CD22: variants seen among roughly 807,000 people sequenced by gnomAD.
CD22 encodes the protein CD22 molecule, also known as B-cell receptor CD22.
A neutral mutation model predicts 94.7 loss-of-function variants in CD22; 51 were observed. That is an observed-to-expected ratio of 0.54 (90% CI 0.43 to 0.68). The LOEUF is 0.68. CD22 is among the 30% of genes least tolerant of loss of function. The pLI, the probability that CD22 is intolerant of heterozygous loss-of-function variation, is 0.00. For missense variants in CD22, 931 were observed against 1,060.4 expected (o/e 0.88, Z 1.69); for synonymous variants, 424 against 422.5 (o/e 1.00, Z -0.04).
At chr19:35,345,851 C>A in intron 12 of CD22, 131 bp downstream of exon 12, 1 of 711,204 alleles carries the variant, frequency 1.4e-6, no homozygotes, top group Non-Finnish European at 2.5e-6. Flanking sequence ...CATTCCCACT[C>A]GGCAACAAGC....
chr19:35,346,541 G>A lies in CD22; in HGVS notation c.2413-25G>A, dbSNP rs562953815. On this transcript the variant is annotated intron_variant, in intron 13 of 13. Coordinates refer to ENST00000085219, the MANE Select transcript of CD22 (RefSeq NM_001771.4). Reference sequence around the variant, plus strand: ...TGGAGGCTGGCGACAGTGGGGCCAGGCTAACCACCATGCGGTTTTCTCAGG... The same window carrying A: ...TGGAGGCTGGCGACAGTGGGGCCAGACTAACCACCATGCGGTTTTCTCAGG... The A allele has an allele frequency of 2.5e-6, 4 of 1,586,592 alleles. No individual in the cohort carries two copies. The South Asian group carries it at 4.6e-5, about 18-fold the overall frequency.
chr19:35,345,109 T>G lies in CD22; in HGVS notation c.2191T>G (p.Phe731Val), dbSNP rs1208015487. The stretch of plus-strand genomic sequence containing the variant: ...GGAGAATTCCAGCGGCCAGAGCTTC[T>G]TTGTGAGGAATAAAAAGGTAGGATG... ...LQENSSGQSF[F>V]VRNKKVRRAP... The change falls in exon 11 of 14, where the codon TTT (phenylalanine) becomes GTT (valine). Residue 731 changes from phenylalanine (F) to valine (V), a missense_variant. Coordinates refer to ENST00000085219, the MANE Select transcript of CD22 (RefSeq NM_001771.4). 1.2e-6 allele frequency: 2 copies of G among 1,613,940 alleles called. No homozygotes were observed. Among genetic ancestry groups the G allele is most frequent in the African/African-American group, 2.7e-5 (2 of 74,888 alleles).
At chr19:35,342,428 C>T (rs762678) in intron 9 of CD22, among the ~76,000 whole-genome samples, 64,485 of 151,820 alleles carry the variant, frequency 0.42, 14,286 homozygotes, top group Non-Finnish European at 0.48. Context: ...CTCAGCTTCC[C>T]AAAGCCCTGG....
intron 12 of CD22, 66 bp from the exon 13 acceptor site, chr19:35,346,085 G>A (rs1789602855): frequency 1.6e-6 from 2 of 1,253,262 alleles, no homozygotes; most frequent in South Asian, 1.2e-5. Context: ...GGCTCTGGGT[G>A]TTGAGAGGGA....
At chr19:35,340,584 G>A (rs1042618506) in intron 6 of CD22, among the ~76,000 whole-genome samples, 1 of 152,098 alleles carries the variant, frequency 6.6e-6, no homozygotes, top group Non-Finnish European at 1.5e-5. Flanking sequence ...CCGGCCTCAG[G>A]ACCCCATTTG....
intron 9 of CD22, among the ~76,000 whole-genome samples, chr19:35,343,033 C>T (rs541166858): frequency 3.3e-4 from 50 of 151,926 alleles, no homozygotes; most frequent in Non-Finnish European, 5.9e-4. Context: ...CTCCTGACCT[C>T]GTGATCCGCT....
At position 35,345,708 on chromosome 19, in the gene CD22, T is replaced by C. The variant is rs369447317; in HGVS notation, c.2315T>C (p.Ile772Thr). The C allele has an allele frequency of 2.9e-5, 43 of 1,480,238 alleles. No homozygotes were observed. The highest frequency in any genetic ancestry group is 1.8e-4 in the African/African-American group (13 of 72,564). The allele number at this position is 1,480,238 out of a possible 1,614,324, so 91.7% of individuals were successfully genotyped here. A position where few individuals can be genotyped will look rare whatever the true frequency, so the allele number is the denominator to read the frequency against. The part of the protein sequence containing the change: ...YTTLRFPEMN[I>T]PRTGDAESSE... The stretch of plus-strand genomic sequence containing the variant: ...ACCCTGCGCTTTCCCGAGATGAACA[T>C]ACCACGAACTGGGTACTGAGGGTAC... The change falls in exon 12 of 14, where the codon ATA (isoleucine) becomes ACA (threonine). Residue 772 changes from isoleucine (I) to threonine (T), a missense_variant. Coordinates refer to ENST00000085219, the MANE Select transcript of CD22 (RefSeq NM_001771.4).
rs1599671915 is a variant in CD22, at chr19:35,332,323, A to G, written c.35-224A>G. 8 of 645,726 alleles carry G rather than the reference A, an allele frequency of 1.2e-5. No individual in the cohort carries two copies. In the East Asian group the frequency reaches 2.2e-4, roughly 18 times the overall value. The allele number at this position is 645,726 out of a possible 1,614,324, so 40.0% of individuals were successfully genotyped here. ...AGAGGGAATTCTTTAGTCTTTAGAAAGCTCTCTGCTGGGTGCAGTGGCTCA... is the reference window on the plus strand; with the variant it reads ...AGAGGGAATTCTTTAGTCTTTAGAAGGCTCTCTGCTGGGTGCAGTGGCTCA... On this transcript the variant is annotated intron_variant, in intron 2 of 13. Coordinates refer to ENST00000085219, the MANE Select transcript of CD22 (RefSeq NM_001771.4).
rs1425065351 is a variant in CD22, at chr19:35,346,686, C to T, written c.2533C>T (p.Leu845Phe). The change falls in exon 14 of 14, where the codon CTC (leucine) becomes TTC (phenylalanine). Residue 845 changes from leucine (L) to phenylalanine (F), a missense_variant. Leu to Phe is a conservative substitution (Grantham distance 22). Transcript: ENST00000085219. Reference protein sequence around the residue: ...QAQENVDYVILKH With the variant: ...QAQENVDYVIFKH ...ACAAGAAAATGTGGACTATGTGATC[C>T]TCAAACATTGACACTGGATGGGCTG... The T allele has an allele frequency of 6.2e-7, 1 of 1,608,808 alleles. No individual in the cohort carries two copies. Among genetic ancestry groups the T allele is most frequent in the Non-Finnish European group, 8.5e-7 (1 of 1,177,258 alleles).
At position 35,341,425 on chromosome 19, in the gene CD22, C is replaced by T. The variant is rs1197117053; in HGVS notation, c.1590C>T (p.Asp530=). The change falls in exon 8 of 14, where the codon GAC becomes GAT. Residue 530 remains aspartate, a synonymous_variant. Coordinates refer to ENST00000085219, the MANE Select transcript of CD22 (RefSeq NM_001771.4). This position sits in a 1 kb window ranked among gnomAD's most constrained non-coding sequence, Gnocchi z 4.0. ...HSGNSVSLQC[D]FSSSHPKEVQ... ...GAAACTCGGTCAGCCTCCAATGTGA[C>T]TTCTCAAGCAGCCACCCCAAAGAAG... The T allele has an allele frequency of 6.2e-7, 1 of 1,613,936 alleles. No homozygotes were observed. Among genetic ancestry groups the T allele is most frequent in the East Asian group, 2.2e-5 (1 of 44,858 alleles).
chr19:35,330,619 C>CA, intron 1 of CD22: 1 of 152,334 alleles, frequency 6.6e-6, no homozygotes, highest in East Asian at 1.9e-4. Flanking sequence ...AGGAGATAAA[C>CA]AGACAGAGAG....
In CD22 at chr19:35,337,723, C is replaced by T. The variant is rs1568486653; in HGVS notation, c.719-32C>T. On this transcript the variant is annotated intron_variant, in intron 4 of 13. Coordinates refer to ENST00000085219, the MANE Select transcript of CD22 (RefSeq NM_001771.4). The surrounding 1 kb of genome is among the most constrained non-coding windows in gnomAD (Gnocchi z 4.4). ...CCCTCCACCCTCTGAGGATTCCCCGCCCCCTCCCCGACTGCCCCTCTGCTC... is the reference window on the plus strand; with the variant it reads ...CCCTCCACCCTCTGAGGATTCCCCGTCCCCTCCCCGACTGCCCCTCTGCTC... 6.4e-7 allele frequency: 1 copy of T among 1,561,538 alleles called. No individual in the cohort carries two copies. Among genetic ancestry groups the T allele is most frequent in the Non-Finnish European group, 8.7e-7 (1 of 1,145,494 alleles).
At chr19:35,339,575 G>A (rs1007827998) in intron 6 of CD22, among the ~76,000 whole-genome samples, 5 of 152,028 alleles carry the variant, frequency 3.3e-5, no homozygotes, top group Non-Finnish European at 7.4e-5. Context: ...GAATGGATTG[G>A]CCAGGCATGG....
intron 13 of CD22, 118 bp downstream of exon 13, chr19:35,346,353 G>T (rs1599696490): frequency 2.7e-6 from 3 of 1,107,006 alleles, no homozygotes; most frequent in East Asian, 4.8e-5. Context: ...GGTGGCAGAG[G>T]TTGGGTGTTG....
chr19:35,345,002 T>A (rs772753027), intron 10 of CD22, 49 bp from the exon 11 acceptor site: 1 of 1,604,800 alleles, frequency 6.2e-7, no homozygotes, highest in Non-Finnish European at 8.5e-7. Context: ...TCTCGAAGCC[T>A]CCAGCCTGTG....
chr19:35,344,951 C>T (rs2145681045), intron 10 of CD22, 26 bp downstream of exon 10: 1 of 1,604,558 alleles, frequency 6.2e-7, no homozygotes, highest in South Asian at 1.1e-5. Context: ...CCCCCACCAC[C>T]TCCTCTATCC....
chr19:35,346,715 C>A lies in CD22; in HGVS notation c.*18C>A. The stretch of plus-strand genomic sequence containing the variant: ...AACATTGACACTGGATGGGCTGCAG[C>A]AGAGGCACTGGGGGCAGCGGGGGCC... On this transcript the variant is annotated 3_prime_UTR_variant, in exon 14 of 14. Coordinates refer to ENST00000085219, the MANE Select transcript of CD22 (RefSeq NM_001771.4). 6.3e-7 allele frequency: 1 copy of A among 1,592,140 alleles called. No individual in the cohort carries two copies. The highest frequency in any genetic ancestry group is 1.1e-5 in the South Asian group (1 of 88,222).
rs1053162142 is a variant in CD22 at position 35,332,794 on chromosome 19, C to T, written c.282C>T (p.Phe94=). Residue 94 remains phenylalanine (F), a synonymous_variant, in exon 3 of 14, where the codon TTC becomes TTT. Coordinates refer to ENST00000085219, the MANE Select transcript of CD22 (RefSeq NM_001771.4). ...KVPSEQKRVQ[F]LGDKNKNCTL... ...CTTCTGAGCAGAAAAGGGTGCAATT[C>T]CTGGGAGACAAGAATAAGAACTGCA... is the stretch of plus-strand genomic sequence containing the variant. The T allele has an allele frequency of 6.2e-7, 1 of 1,614,174 alleles. No homozygotes were observed. Among genetic ancestry groups the T allele is most frequent in the South Asian group, 1.1e-5 (1 of 91,082 alleles).
Position 35,332,662 on chromosome 19 carries a change from T to A in CD22, c.150T>A (p.Asp50Glu), listed in dbSNP as rs552700291. ...VWIPCTYRAL[D>E]GDLESFILFH... Reference sequence around the variant, plus strand: ...TCCCCTGCACCTACAGAGCCCTAGATGGTGACCTGGAAAGCTTCATCCTGT... The same window carrying A: ...TCCCCTGCACCTACAGAGCCCTAGAAGGTGACCTGGAAAGCTTCATCCTGT... The change falls in exon 3 of 14, where the codon GAT becomes GAA. Residue 50 changes from aspartate to glutamate, a missense_variant. Asp to Glu is a conservative substitution (Grantham distance 45). Transcript: ENST00000085219. 11 of 1,614,050 alleles carry A rather than the reference T, an allele frequency of 6.8e-6. No individual in the cohort carries two copies. In the East Asian group the frequency reaches 2.2e-4, roughly 33 times the overall value.
Sources: gnomAD v4.1 joint callset for allele counts (sites outside exome capture counted in the v4.1 genomes callset) on GRCh38, gnomAD v4.1.1 for gene constraint, Gnocchi (gnomAD v3.1) non-coding constraint, MANE v1.5 for transcripts, NCBI Gene and HGNC (gene_info 2026-07-23, HGNC 2026-07-21) for gene names.